BIN1: variants seen among roughly 807,000 people sequenced by gnomAD.
BIN1 encodes the protein myc box-dependent-interacting protein 1.
Under a neutral mutation model 82.0 loss-of-function variants are expected in BIN1, and 53 were observed. The observed-to-expected ratio is 0.65, with a 90% CI of 0.52 to 0.81. BIN1 has a LOEUF of 0.81. Among genes scored for constraint, BIN1 ranks in the 40% least tolerant of loss-of-function variants. BIN1 has a pLI of 0.00. For missense variants in BIN1, 642 were observed against 784.4 expected (o/e 0.82, Z 2.17); for synonymous variants, 302 against 328.0 (o/e 0.92, Z 0.86).
chr2:127,078,764 C>G (rs1390456435), intron 1 of BIN1, among the ~76,000 whole-genome samples: 1 of 152,204 alleles, frequency 6.6e-6, no homozygotes, highest in Non-Finnish European at 1.5e-5. Flanking sequence ...AGGGACCCCC[C>G]AGAAAGTGGG....
intron 8 of BIN1, 105 bp downstream of exon 8, chr2:127,063,828 G>A: frequency 6.7e-7 from 1 of 1,492,010 alleles, no homozygotes; most frequent in South Asian, 1.1e-5. Flanking sequence ...CACGCAGACT[G>A]GACACCGCAG....
rs115217464 is a variant in BIN1 at position 127,057,802 on chromosome 2, C to A, written c.1003-201G>T. Among the ~76,000 whole-genome samples the A allele has an allele frequency of 1.4e-4, 21 of 151,982 alleles. No homozygotes were observed. Among genetic ancestry groups the A allele is most frequent in the African/African-American group, 3.9e-4 (16 of 41,414 alleles). On this transcript the variant is annotated intron_variant, in intron 11 of 18. Transcript: ENST00000316724. This position sits in a 1 kb window ranked among gnomAD's most constrained non-coding sequence, Gnocchi z 5.0. ...AGACACCAAGACCCCAGGCCACCCC[C>A]GAGAGGGACACTGAGGCAGGCGGTC...
chr2:127,052,770 G>A, intron 14 of BIN1: 1 of 282,222 alleles, frequency 3.5e-6, no homozygotes. Context: ...CTGTATCAGG[G>A]GGTCTCAGGG....
intron 12 of BIN1, 60 bp from the exon 13 acceptor site, chr2:127,054,072 C>A: frequency 6.9e-7 from 1 of 1,440,494 alleles, no homozygotes; most frequent in Non-Finnish European, 9.6e-7. Context: ...GGAGCCCTCA[C>A]CCCAGGCAGA....
intron 1 of BIN1, among the ~76,000 whole-genome samples, chr2:127,084,563 T>A (rs1286601894): frequency 6.6e-6 from 1 of 152,218 alleles, no homozygotes; most frequent in Non-Finnish European, 1.5e-5. Context: ...TGGAGAGGCA[T>A]GCTCATTGCT....
At chr2:127,065,510 G>A (rs1685044614) in intron 7 of BIN1, among the ~76,000 whole-genome samples, 1 of 152,114 alleles carries the variant, frequency 6.6e-6, no homozygotes, top group African/African-American at 2.4e-5. Flanking sequence ...AAATGAGTGA[G>A]TCCTAGGGGT....
At chr2:127,053,506 A>G in intron 13 of BIN1, 61 bp from the exon 14 acceptor site, 2 of 1,597,060 alleles carry the variant, frequency 1.3e-6, no homozygotes, top group Non-Finnish European at 1.7e-6. Flanking sequence ...CAGGGCGGCA[A>G]GCAGTCCCCA....
chr2:127,087,212 G>A (rs1249296136), intron 1 of BIN1, among the ~76,000 whole-genome samples: 2 of 152,164 alleles, frequency 1.3e-5, no homozygotes, highest in East Asian at 3.8e-4. Context: ...GCCCCTGGAG[G>A]TCCTGTCTGC....
chr2:127,052,470 T>G, intron 14 of BIN1, 108 bp from the exon 15 acceptor site: 4 of 1,075,988 alleles, frequency 3.7e-6, no homozygotes, highest in Admixed American at 4.2e-5. Context: ...CGGCTGGGGT[T>G]GGTGGGGGCA....
rs113309073 is a variant in BIN1, at chr2:127,068,094, C to A, written c.612+69G>T. On this transcript the variant is annotated intron_variant, in intron 7 of 18. Transcript: ENST00000316724. This position sits in a 1 kb window ranked among gnomAD's most constrained non-coding sequence, Gnocchi z 4.9. ...CTCAGATGCCAGCCCTGCATTCCAC[C>A]GCAGGGCGAGAGGACAGGACGACAG... 6.8e-7 allele frequency: 1 copy of A among 1,478,582 alleles called. No homozygotes were observed. The highest frequency in any genetic ancestry group is 1.4e-5 in the African/African-American group (1 of 71,798). The allele number at this position is 1,478,582 out of a possible 1,614,324, so 91.6% of individuals were successfully genotyped here. A position where few individuals can be genotyped will look rare whatever the true frequency, so the allele number is the denominator to read the frequency against.
chr2:127,077,653 C>T (rs1188785894), intron 1 of BIN1, among the ~76,000 whole-genome samples: 2 of 152,056 alleles, frequency 1.3e-5, no homozygotes, highest in Non-Finnish European at 2.9e-5. Context: ...AGGCAAGGAG[C>T]GGTGGTGGGG....
chr2:127,065,426 A>G (rs921519673), intron 7 of BIN1, among the ~76,000 whole-genome samples: 1 of 152,066 alleles, frequency 6.6e-6, no homozygotes, highest in Admixed American at 6.5e-5. Flanking sequence ...TGGCTGGGCC[A>G]TCCCTGCCCT....
Position 127,090,466 on chromosome 2 carries a change from G to A in BIN1, c.85-13760C>T, listed in dbSNP as rs373863458. Among the ~76,000 whole-genome samples the A allele has an allele frequency of 3.3e-4, 50 of 152,316 alleles. No homozygotes were observed. Among genetic ancestry groups the A allele is most frequent in the African/African-American group, 1.1e-3 (47 of 41,564 alleles). On this transcript the variant is annotated intron_variant, in intron 1 of 18. Transcript: ENST00000316724. The surrounding 1 kb of genome is among the most constrained non-coding windows in gnomAD (Gnocchi z 6.4). Reference sequence around the variant, plus strand: ...GAGGACAGCCTGTCTCCACAGGCACGCACCCCACCCTTGGCCCCAGCCCTC... The same window carrying A: ...GAGGACAGCCTGTCTCCACAGGCACACACCCCACCCTTGGCCCCAGCCCTC...
chr2:127,069,828 G>A (rs1047215040), intron 5 of BIN1, among the ~76,000 whole-genome samples, 167 bp downstream of exon 5: 17 of 152,364 alleles, frequency 1.1e-4, no homozygotes, highest in African/African-American at 2.6e-4. Context: ...ATGGGGGGCC[G>A]TGGGCTGGTG....
At position 127,070,044 on chromosome 2, in the gene BIN1, T is replaced by C. The variant is rs1185043515; in HGVS notation, c.362A>G (p.Gln121Arg). Residue 121 changes from glutamine to arginine, a missense_variant, in exon 5 of 19, where the codon CAG (glutamine) becomes CGG (arginine). Transcript: ENST00000316724. Reference protein sequence around the residue: ...WMDYHQKLVDQALLTMDTYLG... With the variant: ...WMDYHQKLVDRALLTMDTYLG... Reference sequence around the variant, plus strand: ...GTACGTGTCCATGGTCAGCAGCGCCTGGTCCACCAGCTTCTGGTGGTAATC... The same window carrying C: ...GTACGTGTCCATGGTCAGCAGCGCCCGGTCCACCAGCTTCTGGTGGTAATC... The C allele has an allele frequency of 1.9e-6, 3 of 1,614,144 alleles. No homozygotes were observed. Among genetic ancestry groups the C allele is most frequent in the African/African-American group, 1.3e-5 (1 of 75,066 alleles).
intron 1 of BIN1, 46 bp from the exon 2 acceptor site, chr2:127,076,752 G>A: frequency 6.2e-7 from 1 of 1,609,438 alleles, no homozygotes; most frequent in South Asian, 1.1e-5. Context: ...TTGGAAAGGA[G>A]AGTGGTCAAA....
intron 18 of BIN1, 61 bp from the exon 19 acceptor site, chr2:127,048,694 G>A (rs147119944): frequency 1.1e-5 from 16 of 1,509,100 alleles, no homozygotes; most frequent in South Asian, 5.6e-5. Context: ...CACAGGGCAC[G>A]CATCCCACTC....
chr2:127,089,852 G>T (rs940470107), intron 1 of BIN1, among the ~76,000 whole-genome samples: 2 of 152,098 alleles, frequency 1.3e-5, no homozygotes, highest in African/African-American at 4.8e-5. Flanking sequence ...TCCCTCAAGG[G>T]TGTTTAAAGG....
chr2:127,063,579 T>C lies in BIN1; in HGVS notation c.766A>G (p.Met256Val), dbSNP rs1163706982. The C allele has an allele frequency of 1.2e-6, 2 of 1,613,824 alleles. No individual in the cohort carries two copies. The highest frequency in any genetic ancestry group is 1.7e-5 in the Admixed American group (1 of 60,016). ...AGLEENFHKEMSKLNQNLNDV... is the reference protein window; with the variant it reads ...AGLEENFHKEVSKLNQNLNDV... ...GGGTCCCCATGGCCTACCTTGCTCATCTCCTTGTGGAAGTTTTCCTCCAGG... is the reference window on the plus strand; with the variant it reads ...GGGTCCCCATGGCCTACCTTGCTCACCTCCTTGTGGAAGTTTTCCTCCAGG... The change falls in exon 9 of 19, where the codon ATG becomes GTG. Residue 256 changes from methionine to valine, a missense_variant. Met to Val is a conservative substitution (Grantham distance 21, BLOSUM62 1). Coordinates refer to ENST00000316724, the MANE Select transcript of BIN1 (RefSeq NM_139343.3).
Sources: gnomAD v4.1 joint callset for allele counts (sites outside exome capture counted in the v4.1 genomes callset) on GRCh38, gnomAD v4.1.1 for gene constraint, Gnocchi (gnomAD v3.1) non-coding constraint, MANE v1.5 for transcripts, NCBI Gene and HGNC (gene_info 2026-07-23, HGNC 2026-07-21) for gene names.